The following STIM1 variants were observed in gnomAD, a reference collection of about 807,000 sequenced individuals.
STIM1 encodes the protein stromal interaction molecule 1.
Under a neutral mutation model 74.7 loss-of-function variants are expected in STIM1, and 25 were observed. The ratio of observed to expected loss-of-function variants is 0.33; its 90% CI spans 0.24 to 0.47. The LOEUF is 0.47. Ranked by LOEUF, STIM1 falls within the 20% of genes least tolerant of loss-of-function variation. The pLI is 1.00. For missense variants in STIM1, 728 were observed against 920.8 expected, an observed-to-expected ratio of 0.79 and a Z score of 2.71; for synonymous variants, 328 against 348.8, an observed-to-expected ratio of 0.94 and a Z score of 0.66.
chr11:3,939,788 G>A (rs1196237413), intron 1 of STIM1, among the ~76,000 whole-genome samples: 1 of 152,148 alleles, frequency 6.6e-6, no homozygotes, highest in Non-Finnish European at 1.5e-5. Context: ...TCCTTGGCCA[G>A]TATTTTTCTT....
chr11:3,965,822 AT>A (rs369093166), intron 1 of STIM1, among the ~76,000 whole-genome samples: 1 of 152,028 alleles, frequency 6.6e-6, no homozygotes, highest in African/African-American at 2.4e-5. Context: ...CCTGGCCAAC[AT>A]GCTGAAACCC....
intron 2 of STIM1, among the ~76,000 whole-genome samples, chr11:3,987,006 G>T (rs185730629): frequency 8.7e-4 from 133 of 152,318 alleles, no homozygotes; most frequent in Non-Finnish European, 1.6e-3. Context: ...GCCACTTGGT[G>T]TCTTGAGGAG....
chr11:3,908,343 C>T (rs188406654), intron 1 of STIM1, among the ~76,000 whole-genome samples: 394 of 152,266 alleles, frequency 2.6e-3, no homozygotes, highest in Non-Finnish European at 4.1e-3. Flanking sequence ...CCAGGCACGG[C>T]GGCTCACGCC....
chr11:4,015,733 T>C (rs1476583232), intron 2 of STIM1, among the ~76,000 whole-genome samples: 1 of 152,172 alleles, frequency 6.6e-6, no homozygotes, highest in East Asian at 1.9e-4. Flanking sequence ...CTTGGAAGCT[T>C]TGTTCGTTTC....
chr11:3,928,783 C>G (rs546804161), intron 1 of STIM1, among the ~76,000 whole-genome samples: 4 of 152,312 alleles, frequency 2.6e-5, no homozygotes, highest in South Asian at 2.1e-4. Flanking sequence ...CAGAAAATTT[C>G]ATACATTCAT....
intron 2 of STIM1, among the ~76,000 whole-genome samples, chr11:4,018,664 A>G (rs2093926888): frequency 1.3e-5 from 2 of 149,876 alleles, no homozygotes; most frequent in Non-Finnish European, 1.5e-5. Context: ...AAAAAAAAAA[A>G]GGCATAAAAG....
chr11:4,012,877 T>C (rs942065259), intron 2 of STIM1, among the ~76,000 whole-genome samples: 3 of 152,210 alleles, frequency 2.0e-5, no homozygotes, highest in African/African-American at 4.8e-5. Flanking sequence ...TAAATAGCTC[T>C]TATTATTTTG....
intron 2 of STIM1, among the ~76,000 whole-genome samples, chr11:3,974,425 G>C (rs956183297): frequency 1.3e-5 from 2 of 150,966 alleles, no homozygotes; most frequent in Non-Finnish European, 2.9e-5. Context: ...GCTGTAATCT[G>C]AGCACCTTGG....
chr11:3,925,134 C>T (rs910619322), intron 1 of STIM1, among the ~76,000 whole-genome samples: 7 of 152,218 alleles, frequency 4.6e-5, no homozygotes, highest in South Asian at 4.1e-4. Flanking sequence ...CGGTGGCTCA[C>T]GCCTGTAATC....
At chr11:4,082,096 A>G (rs2094468321) in intron 7 of STIM1, 88 bp from the exon 8 acceptor site, 2 of 1,346,856 alleles carry the variant, frequency 1.5e-6, no homozygotes. Flanking sequence ...TGTAAAGCAG[A>G]TAAGAAGTCT....
intron 1 of STIM1, among the ~76,000 whole-genome samples, chr11:3,870,756 C>T (rs1178269698): frequency 1.3e-5 from 2 of 152,124 alleles, no homozygotes; most frequent in Non-Finnish European, 2.9e-5. Flanking sequence ...CCTCAGCCTC[C>T]CAAAGTGCTG....
upstream of STIM1, chr11:3,855,026 G>C (rs1444435069): frequency 6.6e-6 from 1 of 152,268 alleles, no homozygotes; most frequent in East Asian, 1.9e-4. Context: ...GCCGAGTCCT[G>C]TCTGCAGTTT....
chr11:3,928,769 C>A (rs1055067246), intron 1 of STIM1, among the ~76,000 whole-genome samples: 1 of 152,094 alleles, frequency 6.6e-6, no homozygotes, highest in Non-Finnish European at 1.5e-5. Context: ...AGACCATACA[C>A]CCACAGAAAA....
chr11:3,919,095 C>A (rs901876030), intron 1 of STIM1, among the ~76,000 whole-genome samples: 1 of 152,110 alleles, frequency 6.6e-6, no homozygotes, highest in East Asian at 1.9e-4. Context: ...ATCTTTCTGA[C>A]ATTTTATAAT....
intron 1 of STIM1, among the ~76,000 whole-genome samples, chr11:3,891,919 A>G (rs912812298): frequency 1.3e-5 from 2 of 152,226 alleles, no homozygotes; most frequent in African/African-American, 4.8e-5. Flanking sequence ...TTAAATGGAC[A>G]TGTGTAGCTG....
intron 1 of STIM1, 130 bp from the exon 2 acceptor site, chr11:3,967,422 A>G: frequency 7.3e-7 from 1 of 1,364,076 alleles, no homozygotes; most frequent in Admixed American, 1.7e-5. Flanking sequence ...CACCTCTGTC[A>G]CTGTACAAGT....
intron 1 of STIM1, among the ~76,000 whole-genome samples, chr11:3,871,201 TTAA>T (rs1191332773): frequency 6.6e-6 from 1 of 152,108 alleles, no homozygotes; most frequent in Non-Finnish European, 1.5e-5. Context: ...GAGAAGATGA[TTAA>T]TATCCCCTTC....
At chr11:3,968,589 T>C (rs1419688296) in intron 2 of STIM1, among the ~76,000 whole-genome samples, 1 of 152,170 alleles carries the variant, frequency 6.6e-6, no homozygotes, top group Non-Finnish European at 1.5e-5. Flanking sequence ...TCAACACAAT[T>C]ATGTTTATTA....
At chr11:4,065,998 C>T (rs2094362992) in intron 5 of STIM1, among the ~76,000 whole-genome samples, 1 of 152,160 alleles carries the variant, frequency 6.6e-6, no homozygotes, top group South Asian at 2.1e-4. Flanking sequence ...AACTTGTACC[C>T]TGAAAATTCT....
Sources: allele counts gnomAD v4.1 joint callset (sites outside exome capture counted in the v4.1 genomes callset), GRCh38; gene constraint gnomAD v4.1.1; transcripts MANE v1.5; gene names NCBI Gene and HGNC (gene_info 2026-07-23, HGNC 2026-07-21).